The following OR6K6 variants were observed in gnomAD, a reference collection of about 807,000 sequenced individuals.
The protein encoded by OR6K6 is olfactory receptor 6K6.
A neutral mutation model predicts 8.1 loss-of-function variants in OR6K6; 9 were observed. The ratio of observed to expected loss-of-function variants is 1.11; its 90% CI spans 0.67 to 1.94. The LOEUF is 1.94. OR6K6 is among the 30% of genes most tolerant of loss of function. The pLI, the probability that OR6K6 is intolerant of heterozygous loss-of-function variation, is 0.00. For missense variants in OR6K6, 400 were observed against 383.1 expected, an observed-to-expected ratio of 1.04 and a Z score of -0.37; for synonymous variants, 156 against 140.3, an observed-to-expected ratio of 1.11 and a Z score of -0.79.
chr1:158,755,422 C>A, exon 1 of OR6K6: 1 of 1,614,184 alleles, frequency 6.2e-7, no homozygotes, highest in African/African-American at 1.3e-5. Context: ...CAACCAGATC[C>A]ACCAGATATT....
exon 1 of OR6K6, chr1:158,755,674 T>C (rs777076790): frequency 5.0e-6 from 8 of 1,614,110 alleles, no homozygotes; most frequent in Non-Finnish European, 5.9e-6. Flanking sequence ...TGTCATGTAT[T>C]TGAGATTCTC....
chr1:158,755,275 A>G, exon 1 of OR6K6: 1 of 1,614,068 alleles, frequency 6.2e-7, no homozygotes, highest in South Asian at 1.1e-5. Flanking sequence ...GTACATAGCT[A>G]TCTGCAATCC....
chr1:158,755,018 C>G (rs754090929), exon 1 of OR6K6: 3 of 1,614,152 alleles, frequency 1.9e-6, no homozygotes, highest in South Asian at 2.2e-5. Context: ...TTTATCCTAA[C>G]TGGAAACCTA....
At chr1:158,755,323 A>G in exon 1 of OR6K6, 1 of 1,614,198 alleles carries the variant, frequency 6.2e-7, no homozygotes, top group Non-Finnish European at 8.5e-7. Context: ...CAAACTTTGT[A>G]TCCAGCTGAC....
rs555413873 is a variant in OR6K6 at position 158,755,182 on chromosome 1, G to A, written c.295G>A (p.Ala99Thr). The A allele has an allele frequency of 5.0e-6, 8 of 1,614,010 alleles. No homozygotes were observed. In the East Asian group the frequency reaches 1.6e-4, roughly 31 times the overall value. The change falls in exon 1 of 1, where the codon GCT becomes ACT. Residue 99 changes from alanine (A) to threonine (T), a missense_variant. Transcript: ENST00000641861. ...CAGTGAGCAGAAGAGCATTTCCGTG[G>A]CTGGCTGCCTCCTGCAGATGTACTT...
chr1:158,755,294 A>G, exon 1 of OR6K6: 2 of 1,614,076 alleles, frequency 1.2e-6, no homozygotes, highest in Non-Finnish European at 1.7e-6. Context: ...CCACTCCGTT[A>G]CCCAACCATC....
At chr1:158,754,902 G>A (rs138864853) in exon 1 of OR6K6, 32 of 1,613,816 alleles carry the variant, frequency 2.0e-5, no homozygotes, top group Non-Finnish European at 2.5e-5. Flanking sequence ...CACAGTTGAC[G>A]GCCAGTGGGA....
Position 158,755,825 on chromosome 1 carries a change from G to C in OR6K6, c.938G>C (p.Arg313Thr). ...GGAAGGCTTTTCCACTATCAGAAGA[G>C]GGCTGGTTGGGCTGGGAAATAGATA... The change falls in exon 1 of 1, where the codon AGG becomes ACG. Residue 313 changes from arginine (R) to threonine (T), a missense_variant. Coordinates refer to ENST00000641861, the Ensembl canonical transcript of OR6K6. The C allele has an allele frequency of 1.2e-6, 2 of 1,602,822 alleles. No individual in the cohort carries two copies. The highest frequency in any genetic ancestry group is 1.7e-5 in the Admixed American group (1 of 58,236).
rs16841025 is a variant in OR6K6 at position 158,755,511 on chromosome 1, G to A, written c.624G>A (p.Ala208=). 23,491 of 1,613,996 alleles carry A rather than the reference G, an allele frequency of 0.015. 2,451 individuals carry two copies. The African/African-American group carries it at 0.25, about 17-fold the overall frequency. Reference sequence around the variant, plus strand: ...TCATTGTGGATGCCATCCATGCAGCGGAAATTGTAGCCTCCTTCCTGGTCA... The same window carrying A: ...TCATTGTGGATGCCATCCATGCAGCAGAAATTGTAGCCTCCTTCCTGGTCA... The change falls in exon 1 of 1, where the codon GCG becomes GCA. Residue 208 remains alanine (A), a synonymous_variant. Coordinates refer to ENST00000641861, the Ensembl canonical transcript of OR6K6.
exon 1 of OR6K6, chr1:158,755,143 C>T: frequency 6.2e-7 from 1 of 1,613,986 alleles, no homozygotes; most frequent in Non-Finnish European, 8.5e-7. Flanking sequence ...CCCCAAGATG[C>T]TGTCCTGCCT....
exon 1 of OR6K6, chr1:158,754,938 C>G: frequency 1.2e-6 from 2 of 1,614,160 alleles, no homozygotes; most frequent in Non-Finnish European, 1.7e-6. Context: ...CTGAGTTCCT[C>G]TTCTCTATGT....
chr1:158,755,179 G>GTGGC lies in OR6K6; in HGVS notation c.299_302dup (p.Cys101TrpfsTer26). ...AATCAGTGAGCAGAAGAGCATTTCCGTGGCTGGCTGCCTCCTGCAGATGTA... is the reference window on the plus strand; with the variant it reads ...AATCAGTGAGCAGAAGAGCATTTCCGTGGCTGGCTGGCTGCCTCCTGCAGATGTA... On this transcript the variant is annotated frameshift_variant, in exon 1 of 1. Transcript: ENST00000641861. LOFTEE classifies it high-confidence loss of function. 1 of 1,613,970 alleles carries GTGGC rather than the reference G, an allele frequency of 6.2e-7. No individual in the cohort carries two copies. Among genetic ancestry groups the GTGGC allele is most frequent in the South Asian group, 1.1e-5 (1 of 91,064 alleles).
rs142721506 is a variant in OR6K6, at chr1:158,754,901, C to T, written c.14C>T (p.Thr5Met). 3.2e-5 allele frequency: 51 copies of T among 1,613,688 alleles called. No individual in the cohort carries two copies. Among genetic ancestry groups the T allele is most frequent in the East Asian group, 1.3e-4 (6 of 44,898 alleles). The change falls in exon 1 of 1, where the codon ACG (threonine) becomes ATG (methionine). Residue 5 changes from threonine to methionine, a missense_variant. Physicochemically the swap from Thr to Met is moderately conservative, Grantham distance 81 (BLOSUM62 -1). Coordinates refer to ENST00000641861, the Ensembl canonical transcript of OR6K6. ...CTGTGTTCACAGATGACACAGTTGA[C>T]GGCCAGTGGGAATCAGACAATGGTG...
At chr1:158,755,470 G>C (rs1170951302) in exon 1 of OR6K6, 5 of 1,614,200 alleles carry the variant, frequency 3.1e-6, no homozygotes, top group Non-Finnish European at 4.2e-6. Flanking sequence ...GGCCTGCACA[G>C]ATACATTCCT....
chr1:158,755,150 G>A (rs779170046), exon 1 of OR6K6: 1 of 1,613,972 alleles, frequency 6.2e-7, no homozygotes. Flanking sequence ...ATGCTGTCCT[G>A]CCTAATCAGT....
chr1:158,754,790 G>A, exon 1 of OR6K6: 1 of 1,527,984 alleles, frequency 6.5e-7, no homozygotes. Flanking sequence ...TCCAGAATCA[G>A]CTTGAGTAAC....
At chr1:158,755,845 T>C (rs1306039802) in exon 1 of OR6K6, 2 of 1,592,334 alleles carry the variant, frequency 1.3e-6, no homozygotes. Context: ...GGCTGGGAAA[T>C]AGATACAGAT....
exon 1 of OR6K6, chr1:158,755,647 T>G: frequency 2.5e-6 from 4 of 1,614,146 alleles, no homozygotes; most frequent in Non-Finnish European, 3.4e-6. Context: ...GTTCTTGCTA[T>G]TTTTTGGCAG....
chr1:158,755,085 T>C (rs765035213), exon 1 of OR6K6: 1 of 1,614,202 alleles, frequency 6.2e-7, no homozygotes, highest in East Asian at 2.2e-5. Context: ...TGTATTTCTT[T>C]ATCAGTGTCC....
Sources: allele counts gnomAD v4.1 joint callset, GRCh38; gene constraint gnomAD v4.1.1; transcripts MANE v1.5; gene names NCBI Gene and HGNC (gene_info 2026-07-23, HGNC 2026-07-21).